DOCK4: variants seen among roughly 807,000 people sequenced by gnomAD.
DOCK4 encodes dedicator of cytokinesis protein 4.
A neutral mutation model predicts 268.1 loss-of-function variants in DOCK4; 97 were observed. That is an observed-to-expected ratio of 0.36 (90% CI 0.31 to 0.43). DOCK4 has a LOEUF of 0.43. Ranked by LOEUF, DOCK4 falls within the 20% of genes least tolerant of loss-of-function variation. The pLI is 1.00. For synonymous variants in DOCK4, 954 were observed against 887.2 expected (o/e 1.08, Z -1.34); for missense variants, 2,145 against 2,455.7 (o/e 0.87, Z 2.67).
At chr7:112,052,537 A>C (rs1201635719) in intron 1 of DOCK4, among the ~76,000 whole-genome samples, 2 of 151,996 alleles carry the variant, frequency 1.3e-5, no homozygotes, top group Non-Finnish European at 2.9e-5. Context: ...AAGTTATGTT[A>C]TTTCAGTGAA....
At chr7:111,851,853 T>C (rs900216506) in intron 23 of DOCK4, among the ~76,000 whole-genome samples, 3 of 152,150 alleles carry the variant, frequency 2.0e-5, no homozygotes, top group Non-Finnish European at 4.4e-5. Context: ...AATTTTATCC[T>C]ATATCTATAG....
chr7:111,985,350 C>T (rs1234837233), intron 6 of DOCK4, among the ~76,000 whole-genome samples: 2 of 152,124 alleles, frequency 1.3e-5, no homozygotes, highest in South Asian at 2.1e-4. Flanking sequence ...CATCCAAGGC[C>T]GAATGCTCAG....
rs190679164 is a variant in DOCK4 at position 112,079,727 on chromosome 7, G to A, written c.38-75596C>T. On this transcript the variant is annotated intron_variant, in intron 1 of 52. Transcript: ENST00000428084. ...CTGTGCTTTAGTTTCTTATTTTGTA[G>A]AATGGAAATCAGAAAAGCACCTCCC... 5.9e-5 allele frequency among the ~76,000 whole-genome samples: 9 copies of A among 152,224 alleles called. No individual in the cohort carries two copies. In the East Asian group the frequency reaches 1.7e-3, roughly 29 times the overall value.
At chr7:111,846,711 T>C (rs148839785) in intron 24 of DOCK4, among the ~76,000 whole-genome samples, 55 of 152,342 alleles carry the variant, frequency 3.6e-4, no homozygotes, top group African/African-American at 1.3e-3. Flanking sequence ...AGTCATCATA[T>C]CAAGATTAAA....
chr7:112,185,465 A>G (rs1283724149), intron 1 of DOCK4, among the ~76,000 whole-genome samples: 2 of 152,216 alleles, frequency 1.3e-5, no homozygotes, highest in African/African-American at 4.8e-5. Flanking sequence ...AGGACAAGTA[A>G]GAAAGCATCC....
chr7:112,083,809 T>G (rs779798250), intron 1 of DOCK4, among the ~76,000 whole-genome samples: 4 of 152,148 alleles, frequency 2.6e-5, no homozygotes, highest in Non-Finnish European at 5.9e-5. Flanking sequence ...ACCAAAGGCT[T>G]AGTTTAGTAC....
chr7:111,919,708 TAA>T (rs879361446), intron 12 of DOCK4, among the ~76,000 whole-genome samples: 4 of 152,164 alleles, frequency 2.6e-5, no homozygotes, highest in Non-Finnish European at 5.9e-5. Flanking sequence ...TGACAAAGGT[TAA>T]CAGGACACAG....
At chr7:111,868,717 A>AT (rs59927268) in intron 21 of DOCK4, among the ~76,000 whole-genome samples, 55,872 of 151,612 alleles carry the variant, frequency 0.37, 10,951 homozygotes, top group African/African-American at 0.5. Flanking sequence ...TCTAAAAAAA[A>AT]AATTAAAAAA....
chr7:111,917,705 TAA>T (rs555037371), intron 12 of DOCK4, among the ~76,000 whole-genome samples: 11 of 106,640 alleles, frequency 1.0e-4, no homozygotes, highest in Non-Finnish European at 2.1e-5. Context: ...GACCCCATAA[TAA>T]AAAAAAAAAA....
At chr7:111,852,466 T>C (rs1324352515) in intron 23 of DOCK4, among the ~76,000 whole-genome samples, 5 of 148,902 alleles carry the variant, frequency 3.4e-5, no homozygotes, top group Admixed American at 3.4e-4. Flanking sequence ...GGAACTTAAA[T>C]ACTTATTTAC....
intron 8 of DOCK4, among the ~76,000 whole-genome samples, chr7:111,965,098 A>C (rs1374070671): frequency 1.1e-5 from 1 of 95,236 alleles, no homozygotes; most frequent in South Asian, 3.5e-4. Context: ...CCGCTGCAAA[A>C]TCATGCCAAA....
intron 8 of DOCK4, among the ~76,000 whole-genome samples, chr7:111,956,760 G>A (rs1024559368): frequency 2.6e-5 from 4 of 152,060 alleles, no homozygotes; most frequent in Non-Finnish European, 5.9e-5. Flanking sequence ...CTTTAAATAT[G>A]AAGTCTCAAT....
At chr7:112,074,123 C>G (rs1807851269) in intron 1 of DOCK4, among the ~76,000 whole-genome samples, 1 of 152,100 alleles carries the variant, frequency 6.6e-6, no homozygotes, top group Non-Finnish European at 1.5e-5. Context: ...GTTACTTTCA[C>G]ATAAATGACT....
intron 1 of DOCK4, among the ~76,000 whole-genome samples, chr7:112,170,342 T>G (rs1817980144): frequency 6.6e-6 from 1 of 151,800 alleles, no homozygotes; most frequent in Admixed American, 6.6e-5. Context: ...ATGCCTATAA[T>G]CCCAGCTACT....
At chr7:111,823,883 G>T (rs967378892) in intron 26 of DOCK4, among the ~76,000 whole-genome samples, 8 of 152,156 alleles carry the variant, frequency 5.3e-5, no homozygotes, top group Non-Finnish European at 1.0e-4. Context: ...CATGTGCACA[G>T]AAGACAGAAA....
At chr7:111,861,689 T>A (rs902409620) in intron 23 of DOCK4, among the ~76,000 whole-genome samples, 1 of 148,790 alleles carries the variant, frequency 6.7e-6, no homozygotes, top group South Asian at 2.1e-4. Context: ...GTAGTTGCAG[T>A]GAGCTAAGAT....
intron 1 of DOCK4, among the ~76,000 whole-genome samples, chr7:112,061,417 T>C (rs2135596589): frequency 6.6e-6 from 1 of 152,052 alleles, no homozygotes; most frequent in Non-Finnish European, 1.5e-5. Context: ...TGTCCTAGAG[T>C]GTGAGGCTTT....
In DOCK4 at chr7:111,808,865, C is replaced by T. The variant is rs1454734585; in HGVS notation, c.3122G>A (p.Arg1041Gln). The T allele has an allele frequency of 1.9e-6, 3 of 1,612,916 alleles. No individual in the cohort carries two copies. Among genetic ancestry groups the T allele is most frequent in the Admixed American group, 3.3e-5 (2 of 59,898 alleles). Residue 1041 changes from arginine to glutamine, a missense_variant, in exon 30 of 53, where the codon CGG (arginine) becomes CAG (glutamine). Transcript: ENST00000428084. ...KKVLEKYGDM[R>Q]VTMGCEIFSM... ...GAAAATTTCACAACCCATTGTTACC[C>T]GCATGTCACCATACCTGAAATAGAA...
chr7:111,978,726 T>C (rs1406068824), intron 7 of DOCK4, among the ~76,000 whole-genome samples: 2 of 152,184 alleles, frequency 1.3e-5, no homozygotes, highest in African/African-American at 4.8e-5. Flanking sequence ...GATTCTTTCA[T>C]GAAATACAAT....
Sources: allele counts gnomAD v4.1 joint callset (sites outside exome capture counted in the v4.1 genomes callset), GRCh38; gene constraint gnomAD v4.1.1; transcripts MANE v1.5; gene names NCBI Gene and HGNC (gene_info 2026-07-23, HGNC 2026-07-21).